Variants in DLC1 observed in about 807,000 individuals in gnomAD.
DLC1 encodes the protein rho GTPase-activating protein 7.
Under a neutral mutation model 140.3 loss-of-function variants are expected in DLC1, and 54 were observed. The ratio of observed to expected loss-of-function variants is 0.38; its 90% confidence interval spans 0.31 to 0.48. The LOEUF is 0.48. DLC1 is among the 20% of genes least tolerant of loss of function. The pLI is 0.96. For synonymous variants in DLC1, 986 were observed against 728.1 expected (o/e 1.35, Z -5.70); for missense variants, 2,536 against 1,907.0 (o/e 1.33, Z -6.14).
Position 13,092,782 on chromosome 8 carries a change from G to A in DLC1, c.3570C>T (p.Ile1190=), listed in dbSNP as rs1471228379. 6.2e-7 allele frequency: 1 copy of A among 1,614,088 alleles called. No homozygotes were observed. The highest frequency in any genetic ancestry group is 1.7e-5 in the Admixed American group (1 of 60,014). Residue 1190 remains isoleucine, a synonymous_variant, in exon 13 of 18, where the codon ATC becomes ATT. Transcript: ENST00000276297. ...DQRLQAIKAA[I]MLLPDENREV... ...CCCGGTTCTCGTCAGGCAGCAGCAT[G>A]ATGGCAGCCTTGATGGCCTGCAGGC...
At chr8:13,385,781 A>G (rs1242880467) in intron 4 of DLC1, among the ~76,000 whole-genome samples, 1 of 152,206 alleles carries the variant, frequency 6.6e-6, no homozygotes, top group East Asian at 1.9e-4. Context: ...CCTTGCTTAA[A>G]CCTTTCAATG....
chr8:13,273,718 G>A, intron 5 of DLC1, among the ~76,000 whole-genome samples: 1 of 147,112 alleles, frequency 6.8e-6, no homozygotes, highest in South Asian at 2.3e-4. Context: ...GTGTGTGTGT[G>A]TGTGTGTGTG....
intron 3 of DLC1, among the ~76,000 whole-genome samples, 182 bp from the exon 4 acceptor site, chr8:13,393,875 T>C (rs768390010): frequency 1.3e-5 from 2 of 152,224 alleles, no homozygotes; most frequent in Non-Finnish European, 2.9e-5. Context: ...AGAACCATTG[T>C]ACTCATCAGA....
At chr8:13,533,223 T>C (rs1380250796) in intron 1 of DLC1, among the ~76,000 whole-genome samples, 2 of 142,598 alleles carry the variant, frequency 1.4e-5, no homozygotes, top group Admixed American at 1.5e-4. Context: ...AACAATGTTA[T>C]ATATTGAGTA....
intron 5 of DLC1, among the ~76,000 whole-genome samples, chr8:13,192,139 CA>C (rs1344333274): frequency 6.6e-6 from 1 of 151,528 alleles, no homozygotes; most frequent in Admixed American, 6.6e-5. Flanking sequence ...TTAGTAGAGA[CA>C]GGGTTTTACC....
At chr8:13,560,738 G>A (rs967977968) in intron 1 of DLC1, among the ~76,000 whole-genome samples, 1 of 152,068 alleles carries the variant, frequency 6.6e-6, no homozygotes, top group Non-Finnish European at 1.5e-5. Context: ...ATTTGAATAG[G>A]TGTTAATCTA....
At chr8:13,221,677 A>ATT (rs562673675) in intron 5 of DLC1, among the ~76,000 whole-genome samples, 1,460 of 142,140 alleles carry the variant, frequency 0.01, 10 homozygotes, top group South Asian at 0.04. Context: ...GGCCCCAAAG[A>ATT]TTTTGTGTGT....
intron 1 of DLC1, among the ~76,000 whole-genome samples, chr8:13,540,332 CTTAAAT>C (rs924896948): frequency 3.9e-5 from 6 of 152,116 alleles, no homozygotes; most frequent in Non-Finnish European, 7.3e-5. Context: ...TAAAAATGGG[CTTAAAT>C]TTAAACTAAC....
chr8:13,268,704 C>G (rs1830790670), intron 5 of DLC1, among the ~76,000 whole-genome samples: 1 of 151,760 alleles, frequency 6.6e-6, no homozygotes, highest in African/African-American at 2.4e-5. Flanking sequence ...GAGAATTTCC[C>G]TTGGCTCTAT....
intron 4 of DLC1, among the ~76,000 whole-genome samples, chr8:13,322,667 A>ATGTT (rs1222588087): frequency 4.6e-5 from 7 of 152,206 alleles, no homozygotes; most frequent in African/African-American, 1.7e-4. Context: ...GAAATATGCT[A>ATGTT]TGTTTCTTTT....
chr8:13,166,084 C>T (rs1825086838), intron 5 of DLC1, among the ~76,000 whole-genome samples: 1 of 152,148 alleles, frequency 6.6e-6, no homozygotes, highest in Non-Finnish European at 1.5e-5. Flanking sequence ...CACCATCTTT[C>T]CTCCTGGTGT....
chr8:13,370,248 A>G (rs574154393), intron 4 of DLC1, among the ~76,000 whole-genome samples: 1 of 152,186 alleles, frequency 6.6e-6, no homozygotes, highest in African/African-American at 2.4e-5. Context: ...TTTTTCTTCA[A>G]TATACTATAA....
chr8:13,438,929 A>T (rs1839240178), intron 2 of DLC1, among the ~76,000 whole-genome samples: 1 of 152,162 alleles, frequency 6.6e-6, no homozygotes, highest in African/African-American at 2.4e-5. Flanking sequence ...GTGCCATATG[A>T]TCTCTGTTGT....
intron 4 of DLC1, among the ~76,000 whole-genome samples, chr8:13,380,080 A>G (rs1303503662): frequency 6.6e-6 from 1 of 152,116 alleles, no homozygotes; most frequent in African/African-American, 2.4e-5. Context: ...TTGTCATTGG[A>G]TCTCCTCCTC....
chr8:13,536,303 G>T (rs1408348123), intron 1 of DLC1, among the ~76,000 whole-genome samples: 1 of 152,188 alleles, frequency 6.6e-6, no homozygotes, highest in Admixed American at 6.5e-5. Flanking sequence ...ACAAGGTAAA[G>T]TTGGAGAAAG....
chr8:13,436,788 T>C (rs1006186666), intron 2 of DLC1, among the ~76,000 whole-genome samples: 2 of 152,204 alleles, frequency 1.3e-5, no homozygotes, highest in Non-Finnish European at 2.9e-5. Flanking sequence ...ATAGAATTTA[T>C]TTATTTTTTT....
At chr8:13,456,516 G>A (rs1208454484) in intron 2 of DLC1, among the ~76,000 whole-genome samples, 1 of 151,850 alleles carries the variant, frequency 6.6e-6, no homozygotes, top group African/African-American at 2.4e-5. Flanking sequence ...GTGGAGCGCA[G>A]GGCTGGATCC....
rs148194780 is a variant in DLC1 at position 13,273,607 on chromosome 8, G to T, written c.1348+31662C>A. Among the ~76,000 whole-genome samples the T allele has an allele frequency of 1.3e-5, 2 of 151,712 alleles. 1 individual carries two copies. The highest frequency in any genetic ancestry group is 3.9e-4 in the East Asian group (2 of 5,158). On this transcript the variant is annotated intron_variant, in intron 5 of 17. Transcript: ENST00000276297. ...AAATAACAGACAGGCTCCCTGTTTC[G>T]TGTAGAAGGGAGTTTAAGACAAGGA...
chr8:13,368,051 T>C (rs1205168437), intron 4 of DLC1, among the ~76,000 whole-genome samples: 5 of 152,206 alleles, frequency 3.3e-5, no homozygotes, highest in African/African-American at 1.2e-4. Context: ...AAGCAGTGAC[T>C]ACATCTTTGA....
Sources: gnomAD v4.1 joint callset for allele counts (sites outside exome capture counted in the v4.1 genomes callset) on GRCh38, gnomAD v4.1.1 for gene constraint, MANE v1.5 for transcripts, NCBI Gene and HGNC (gene_info 2026-07-23, HGNC 2026-07-21) for gene names.